The following MTUS2 variants were observed in gnomAD, a reference collection of about 807,000 sequenced individuals.
MTUS2 encodes the protein microtubule-associated tumor suppressor candidate 2.
In MTUS2, 40 loss-of-function variants were observed where a neutral mutation model predicts 114.1. That is an observed-to-expected ratio of 0.35 (90% confidence interval 0.27 to 0.46). The LOEUF is 0.46. Ranked by LOEUF, MTUS2 falls within the 20% of genes least tolerant of loss-of-function variation. The pLI is 1.00. For synonymous variants in MTUS2, 688 were observed against 672.0 expected (o/e 1.02, Z -0.37); for missense variants, 1,679 against 1,705.4 (o/e 0.98, Z 0.27).
chr13:29,481,279 G>A (rs1322867778), intron 10 of MTUS2, among the ~76,000 whole-genome samples: 4 of 152,166 alleles, frequency 2.6e-5, no homozygotes, highest in Non-Finnish European at 5.9e-5. Context: ...AAGGAGGCAG[G>A]TGCTGCCACC....
chr13:28,843,607 A>G (rs1305765839), intron 2 of MTUS2, among the ~76,000 whole-genome samples: 2 of 152,242 alleles, frequency 1.3e-5, no homozygotes, highest in Non-Finnish European at 2.9e-5. Flanking sequence ...TCACATGGGC[A>G]ATTCTCTTAA....
At chr13:29,424,910 G>T (rs1876395434) in intron 8 of MTUS2, among the ~76,000 whole-genome samples, 1 of 152,080 alleles carries the variant, frequency 6.6e-6, no homozygotes, top group Admixed American at 6.6e-5. Flanking sequence ...CATAGACCTA[G>T]TTTGGATCCT....
intron 8 of MTUS2, among the ~76,000 whole-genome samples, chr13:29,385,832 G>A (rs565275545): frequency 6.6e-6 from 1 of 152,168 alleles, no homozygotes; most frequent in Non-Finnish European, 1.5e-5. Flanking sequence ...CTGGGAGAAA[G>A]ATATGACTCA....
intron 5 of MTUS2, chr13:29,250,438 T>A (rs1897082955): frequency 6.6e-6 from 1 of 151,810 alleles, no homozygotes. Context: ...AGCTGCCTCA[T>A]TGTCTTAATT....
chr13:29,055,420 A>G (rs1888086957), intron 4 of MTUS2, among the ~76,000 whole-genome samples: 1 of 152,126 alleles, frequency 6.6e-6, no homozygotes, highest in South Asian at 2.1e-4. Context: ...CAGCTTTGTT[A>G]TATAGGTAAA....
chr13:28,986,585 C>T (rs924064930), intron 2 of MTUS2, among the ~76,000 whole-genome samples: 7 of 152,168 alleles, frequency 4.6e-5, no homozygotes, highest in East Asian at 1.9e-4. Context: ...GCTACTCTCC[C>T]GAGCATAGAA....
chr13:29,437,681 C>A (rs929373939), intron 8 of MTUS2, among the ~76,000 whole-genome samples: 25 of 152,292 alleles, frequency 1.6e-4, no homozygotes, highest in African/African-American at 5.8e-4. Flanking sequence ...CACGGTGGCT[C>A]ACACCTGTAA....
chr13:29,207,767 T>C (rs1176714794), intron 5 of MTUS2, among the ~76,000 whole-genome samples: 1 of 152,354 alleles, frequency 6.6e-6, no homozygotes, highest in East Asian at 1.9e-4. Flanking sequence ...ATCCCTAGTA[T>C]GAATCCCACT....
At chr13:28,924,632 T>C (rs1251007846) in intron 2 of MTUS2, among the ~76,000 whole-genome samples, 1 of 152,220 alleles carries the variant, frequency 6.6e-6, no homozygotes, top group Non-Finnish European at 1.5e-5. Flanking sequence ...TGCACAGAGC[T>C]GGCACTGCCC....
intron 2 of MTUS2, among the ~76,000 whole-genome samples, chr13:28,928,191 G>A (rs1239158779): frequency 6.6e-6 from 1 of 151,776 alleles, no homozygotes; most frequent in Non-Finnish European, 1.5e-5. Flanking sequence ...ATTGACATGG[G>A]TAAAAAAAAA....
chr13:29,287,803 G>A (rs1898551821), intron 6 of MTUS2, among the ~76,000 whole-genome samples: 1 of 152,238 alleles, frequency 6.6e-6, no homozygotes, highest in Admixed American at 6.5e-5. Context: ...GATGAGGTTA[G>A]CGGGTATTAT....
At chr13:29,030,354 T>C (rs970114987) in intron 3 of MTUS2, among the ~76,000 whole-genome samples, 1 of 152,156 alleles carries the variant, frequency 6.6e-6, no homozygotes, top group Non-Finnish European at 1.5e-5. Context: ...AATTTATTTG[T>C]TTTTGGGCCT....
At chr13:29,191,968 T>A (rs1183409850) in intron 5 of MTUS2, among the ~76,000 whole-genome samples, 1 of 152,148 alleles carries the variant, frequency 6.6e-6, no homozygotes, top group Non-Finnish European at 1.5e-5. Flanking sequence ...ATGCAGTGAG[T>A]TATTTCCCAA....
intron 5 of MTUS2, among the ~76,000 whole-genome samples, chr13:29,202,980 C>T (rs80012221): frequency 1.1e-4 from 17 of 152,330 alleles, no homozygotes; most frequent in South Asian, 6.2e-4. Context: ...ACAGGAGGCA[C>T]GGGGGTCAGG....
intron 6 of MTUS2, among the ~76,000 whole-genome samples, chr13:29,284,404 A>T (rs1372319966): frequency 2.0e-5 from 3 of 150,062 alleles, no homozygotes; most frequent in African/African-American, 4.9e-5. Flanking sequence ...CTATTTTTTA[A>T]AAAAAAAAAA....
At chr13:29,104,125 C>T (rs17573535) in intron 5 of MTUS2, among the ~76,000 whole-genome samples, 2,168 of 152,272 alleles carry the variant, frequency 0.014, 12 homozygotes, top group Middle Eastern at 0.034. Flanking sequence ...GGCCATTAGC[C>T]CAACCCCATT....
intron 11 of MTUS2, among the ~76,000 whole-genome samples, chr13:29,488,437 C>CTTT (rs35983023): frequency 6.4e-4 from 73 of 113,758 alleles, no homozygotes; most frequent in Non-Finnish European, 7.3e-4. Flanking sequence ...TTTTTTTCCT[C>CTTT]TTTTTTTTTT....
At chr13:29,343,070 G>T (rs1277678964) in intron 7 of MTUS2, among the ~76,000 whole-genome samples, 1 of 144,958 alleles carries the variant, frequency 6.9e-6, no homozygotes, top group Non-Finnish European at 1.6e-5. Context: ...CTAGTATTTT[G>T]TTGAGGATTT....
At chr13:29,018,272 A>T (rs1159789587) in intron 2 of MTUS2, among the ~76,000 whole-genome samples, 1 of 152,182 alleles carries the variant, frequency 6.6e-6, no homozygotes, top group Non-Finnish European at 1.5e-5. Flanking sequence ...GAGAGGTGTC[A>T]CTTTAGCCTG....
Sources: allele counts gnomAD v4.1 joint callset (sites outside exome capture counted in the v4.1 genomes callset), GRCh38; gene constraint gnomAD v4.1.1; transcripts MANE v1.5; gene names NCBI Gene and HGNC (gene_info 2026-07-23, HGNC 2026-07-21).